The following EIF2B1 variants were observed in gnomAD, a reference collection of about 807,000 sequenced individuals.
EIF2B1 encodes eukaryotic translation initiation factor 2B subunit alpha, also known as translation initiation factor eIF2B subunit alpha.
Under a neutral mutation model 36.8 loss-of-function variants are expected in EIF2B1, and 30 were observed. The observed-to-expected ratio is 0.81, with a 90% CI of 0.61 to 1.10. The LOEUF (loss-of-function observed/expected upper bound fraction) is 1.10, where lower values mean the gene tolerates loss of function less well. Ranked by LOEUF, EIF2B1 falls within the 50% of genes least tolerant of loss-of-function variation. The pLI is 0.00. For missense variants in EIF2B1, 271 were observed against 374.8 expected (o/e 0.72, Z 2.29); for synonymous variants, 139 against 142.2 (o/e 0.98, Z 0.16).
At chr12:123,631,537 G>T (rs1019600969) in intron 2 of EIF2B1, among the ~76,000 whole-genome samples, 1 of 152,038 alleles carries the variant, frequency 6.6e-6, no homozygotes, top group African/African-American at 2.4e-5. Context: ...GGCCGGGCCC[G>T]GTGGCTCACG....
intron 8 of EIF2B1, 156 bp downstream of exon 8, chr12:123,622,480 A>G (rs1368514783): frequency 1.8e-6 from 2 of 1,082,500 alleles, no homozygotes; most frequent in African/African-American, 3.1e-5. Context: ...TCTAGGGACA[A>G]ATGTGTGAGT....
chr12:123,627,105 C>T lies in EIF2B1; in HGVS notation c.421G>A (p.Ala141Thr). The T allele has an allele frequency of 6.2e-7, 1 of 1,614,246 alleles. No individual in the cohort carries two copies. Among genetic ancestry groups the T allele is most frequent in the Non-Finnish European group, 8.5e-7 (1 of 1,180,050 alleles). Residue 141 changes from alanine (A) to threonine (T), a missense_variant, in exon 5 of 9, where the codon GCC (alanine) becomes ACC (threonine). Ala to Thr is a moderately conservative substitution (Grantham distance 58). Transcript: ENST00000424014. ...SRVVLRVLEA[A>T]VAAKKRFSVY... Reference sequence around the variant, plus strand: ...CTAAATCGCTTCTTGGCCGCCACGGCTGCTTCCAGGACTCTCAGGACCACT... The same window carrying T: ...CTAAATCGCTTCTTGGCCGCCACGGTTGCTTCCAGGACTCTCAGGACCACT...
Position 123,633,643 on chromosome 12 carries a change from A to T in EIF2B1, c.-86T>A. 1 of 1,586,138 alleles carries T rather than the reference A, an allele frequency of 6.3e-7. No individual in the cohort carries two copies. Among genetic ancestry groups the T allele is most frequent in the Non-Finnish European group, 8.6e-7 (1 of 1,167,696 alleles). Reference sequence around the variant, plus strand: ...CCGCCGGCCGCGCCGCCTGCGAGCCAGTCTGACAGCGCGCTGCACACCTCC... The same window carrying T: ...CCGCCGGCCGCGCCGCCTGCGAGCCTGTCTGACAGCGCGCTGCACACCTCC... On this transcript the variant is annotated 5_prime_UTR_variant, in exon 1 of 9. Coordinates refer to ENST00000424014, the MANE Select transcript of EIF2B1 (RefSeq NM_001414.4).
intron 4 of EIF2B1, 44 bp from the exon 5 acceptor site, chr12:123,627,200 G>A (rs1185893125): frequency 6.8e-7 from 1 of 1,463,928 alleles, no homozygotes; most frequent in Admixed American, 1.7e-5. Context: ...GCTCCTTGCT[G>A]CTCACTCACA....
rs749213860 is a variant in EIF2B1, at chr12:123,632,344, C to A, written c.115+1G>T. 6 of 1,596,540 alleles carry A rather than the reference C, an allele frequency of 3.8e-6. No homozygotes were observed. The highest frequency in any genetic ancestry group is 5.2e-6 in the Non-Finnish European group (6 of 1,164,906). On this transcript the variant is annotated splice_donor_variant, in intron 2 of 8. Coordinates refer to ENST00000424014, the MANE Select transcript of EIF2B1 (RefSeq NM_001414.4). LOFTEE classifies it high-confidence loss of function. ...GTGTTAACAGATGACTCTCTATATA[C>A]CTTTATCTCTCTTCAAGAACTCCAG...
chr12:123,621,866 G>A lies in EIF2B1; in HGVS notation c.808C>T (p.His270Tyr). ...GGGGCAGTGTAGTCGACCCACGGAT[G>A]CTCCTCTTTGAGGTCTTGTCCAGTC... ...AQTGQDLKEE[H>Y]PWVDYTAPSL... Residue 270 changes from histidine to tyrosine, a missense_variant, in exon 9 of 9, where the codon CAT (histidine) becomes TAT (tyrosine). Physicochemically the swap from His to Tyr is moderately conservative, Grantham distance 83. Transcript: ENST00000424014. 6.2e-7 allele frequency: 1 copy of A among 1,614,104 alleles called. No homozygotes were observed. Among genetic ancestry groups the A allele is most frequent in the South Asian group, 1.1e-5 (1 of 91,068 alleles).
intron 4 of EIF2B1, among the ~76,000 whole-genome samples, chr12:123,628,901 G>A (rs919998996): frequency 6.6e-6 from 1 of 152,162 alleles, no homozygotes; most frequent in Non-Finnish European, 1.5e-5. Flanking sequence ...TCCTGAGTAG[G>A]TGACTGCAGG....
At position 123,627,165 on chromosome 12, in the gene EIF2B1, C is replaced by T. The variant is rs748708533; in HGVS notation, c.370-9G>A. On this transcript the variant is annotated splice_polypyrimidine_tract_variant and intron_variant, in intron 4 of 8. Coordinates refer to ENST00000424014, the MANE Select transcript of EIF2B1 (RefSeq NM_001414.4). ...GCGTGAGTCAATATTGTCTGTGGAC[C>T]GAGAAAGCTTTGTCAAAGGGGCAGG... The T allele has an allele frequency of 8.1e-6, 13 of 1,612,140 alleles. No individual in the cohort carries two copies. Among genetic ancestry groups the T allele is most frequent in the South Asian group, 3.3e-5 (3 of 90,958 alleles).
rs1413712131 is a variant in EIF2B1, at chr12:123,627,149, A to G, written c.377T>C (p.Leu126Ser). 1 of 1,613,926 alleles carries G rather than the reference A, an allele frequency of 6.2e-7. No individual in the cohort carries two copies. The highest frequency in any genetic ancestry group is 1.7e-5 in the Admixed American group (1 of 60,024). ...GACCACTCTGGAGTAGGCGTGAGTC[A>G]ATATTGTCTGTGGACCGAGAAAGCT... ...HTFIKDGATILTHAYSRVVLR... is the reference protein window; with the variant it reads ...HTFIKDGATISTHAYSRVVLR... Residue 126 changes from leucine to serine, a missense_variant, in exon 5 of 9, where the codon TTG becomes TCG. By Grantham distance (145) the Leu-to-Ser change is moderately radical. Transcript: ENST00000424014.
Position 123,632,406 on chromosome 12 carries a change from A to G in EIF2B1, c.54T>C (p.Pro18=), listed in dbSNP as rs1342570685. Residue 18 remains proline, a synonymous_variant, in exon 2 of 9, where the codon CCT becomes CCC. Coordinates refer to ENST00000424014, the MANE Select transcript of EIF2B1 (RefSeq NM_001414.4). ...EYFKSQMKED[P]DMASAVAAIR... ...TGGCAGCCACTGCTGAGGCCATGTC[A>G]GGATCTTCTTTCATCTGAGACTTAA... is the stretch of plus-strand genomic sequence containing the variant. 6.2e-7 allele frequency: 1 copy of G among 1,613,832 alleles called. No individual in the cohort carries two copies. The highest frequency in any genetic ancestry group is 8.5e-7 in the Non-Finnish European group (1 of 1,179,982).
chr12:123,632,324 A>T, intron 2 of EIF2B1, 21 bp downstream of exon 2: 1 of 1,494,998 alleles, frequency 6.7e-7, no homozygotes, highest in Non-Finnish European at 9.3e-7. Context: ...CCAGAGTGTT[A>T]ACAGATGACT....
At chr12:123,622,056 C>T (rs1955105467) in intron 8 of EIF2B1, 136 bp from the exon 9 acceptor site, 2 of 1,264,308 alleles carry the variant, frequency 1.6e-6, no homozygotes, top group East Asian at 5.1e-5. Flanking sequence ...ATGCAGGACA[C>T]TAGAGACGAG....
intron 4 of EIF2B1, 33 bp from the exon 5 acceptor site, chr12:123,627,189 G>A (rs1955155730): frequency 6.5e-7 from 1 of 1,547,962 alleles, no homozygotes; most frequent in Non-Finnish European, 8.9e-7. Flanking sequence ...CAAAGGGGCA[G>A]GCTCCTTGCT....
In EIF2B1 at chr12:123,632,325, A is replaced by T. The variant is rs1955199524; in HGVS notation, c.115+20T>A. 7 of 1,507,622 alleles carry T rather than the reference A, an allele frequency of 4.6e-6. No individual in the cohort carries two copies. Among genetic ancestry groups the T allele is most frequent in the Admixed American group, 1.7e-5 (1 of 59,858 alleles). 93.4% of individuals were successfully genotyped at this position (1,507,622 alleles called of 1,614,324 possible). A position where few individuals can be genotyped will look rare whatever the true frequency, so the allele number is the denominator to read the frequency against. On this transcript the variant is annotated intron_variant, in intron 2 of 8. Coordinates refer to ENST00000424014, the MANE Select transcript of EIF2B1 (RefSeq NM_001414.4). ...GACTATCCTAAGTCCCAGAGTGTTA[A>T]CAGATGACTCTCTATATACCTTTAT...
At chr12:123,626,702 G>T in intron 5 of EIF2B1, 1 of 658,002 alleles carries the variant, frequency 1.5e-6, no homozygotes, top group Non-Finnish European at 2.7e-6. Context: ...TTAGACTCTG[G>T]GTAAGAGATG....
Position 123,624,744 on chromosome 12 carries a change from T to C in EIF2B1, c.627+43A>G, listed in dbSNP as rs767814948. 29 of 1,562,952 alleles carry C rather than the reference T, an allele frequency of 1.9e-5. No homozygotes were observed. In the East Asian group the frequency reaches 5.4e-4, roughly 29 times the overall value. On this transcript the variant is annotated intron_variant, in intron 7 of 8. Coordinates refer to ENST00000424014, the MANE Select transcript of EIF2B1 (RefSeq NM_001414.4). Reference sequence around the variant, plus strand: ...TGGTGTCCTAGGTCAGCAAGACACCTCCAAGTCTTGAGCAGGGAACTGGGG... The same window carrying C: ...TGGTGTCCTAGGTCAGCAAGACACCCCCAAGTCTTGAGCAGGGAACTGGGG...
intron 7 of EIF2B1, among the ~76,000 whole-genome samples, chr12:123,624,456 C>T (rs1955133110): frequency 6.6e-6 from 1 of 152,032 alleles, no homozygotes; most frequent in African/African-American, 2.4e-5. Context: ...GACAGGGTTT[C>T]ACTATGTTGC....
rs1209716863 is a variant in EIF2B1 at position 123,626,057 on chromosome 12, TGGG to T, written c.551+365_551+367del. The T allele has an allele frequency of 3.1e-5, 8 of 261,790 alleles. No homozygotes were observed. The South Asian group carries it at 3.3e-4, about 11-fold the overall frequency. 16.2% of individuals were successfully genotyped at this position (261,790 alleles called of 1,614,324 possible). ...CTGAGGCAGGAGAATCGCTTGAACC[TGGG>T]AGGTGGAGATTGCAGTGAACCAAGA... On this transcript the variant is annotated intron_variant, in intron 6 of 8. Transcript: ENST00000424014.
chr12:123,627,243 C>T, intron 4 of EIF2B1, 87 bp from the exon 5 acceptor site: 1 of 972,012 alleles, frequency 1.0e-6, no homozygotes, highest in African/African-American at 1.6e-5. Flanking sequence ...TCCCGACACC[C>T]TAAGCATCTC....
Sources: allele counts gnomAD v4.1 joint callset (sites outside exome capture counted in the v4.1 genomes callset), GRCh38; gene constraint gnomAD v4.1.1; transcripts MANE v1.5; gene names NCBI Gene and HGNC (gene_info 2026-07-23, HGNC 2026-07-21).